The following TP63 variants were observed in gnomAD, a reference collection of about 807,000 sequenced individuals.
The protein encoded by TP63 is tumor protein p63, also known as tumor protein 63.
TP63 carries 17 observed loss-of-function variants against 82.8 expected under a neutral mutation model. The ratio of observed to expected loss-of-function variants is 0.21; its 90% CI spans 0.14 to 0.31. The LOEUF (loss-of-function observed/expected upper bound fraction) is 0.31. Among genes scored for constraint, TP63 ranks in the 10% least tolerant of loss-of-function variants. The pLI is 1.00. For missense variants in TP63, 648 were observed against 895.3 expected (o/e 0.72, Z 3.52); for synonymous variants, 330 against 321.7 (o/e 1.03, Z -0.28).
At chr3:189,728,372 T>C (rs1719921414) in intron 1 of TP63, among the ~76,000 whole-genome samples, 1 of 152,174 alleles carries the variant, frequency 6.6e-6, no homozygotes, top group Non-Finnish European at 1.5e-5. Context: ...TAAATTATGA[T>C]AGAATGAACT....
intron 3 of TP63, among the ~76,000 whole-genome samples, chr3:189,765,860 C>T (rs9871604): frequency 0.91 from 138,482 of 152,156 alleles, 63,496 homozygotes; most frequent in Non-Finnish European, 0.97. Context: ...GATAACTCCC[C>T]CTCTGGGCTT....
chr3:189,651,085 A>G lies in TP63; in HGVS notation c.62+19508A>G, dbSNP rs190238954. Among the ~76,000 whole-genome samples the G allele has an allele frequency of 1.1e-4, 16 of 147,648 alleles. 2 individuals carry two copies. Among genetic ancestry groups the G allele is most frequent in the Admixed American group, 1.1e-3 (16 of 15,024 alleles). ...AGTGACTCTTGCTTTGCTTTAGCAAAGAGACTGGCAGCATTTTGCCCTGCC... is the reference window on the plus strand; with the variant it reads ...AGTGACTCTTGCTTTGCTTTAGCAAGGAGACTGGCAGCATTTTGCCCTGCC... On this transcript the variant is annotated intron_variant, in intron 1 of 13. Coordinates refer to ENST00000264731, the MANE Select transcript of TP63 (RefSeq NM_003722.5).
At chr3:189,647,830 T>A (rs1351644560) in intron 1 of TP63, among the ~76,000 whole-genome samples, 1 of 146,556 alleles carries the variant, frequency 6.8e-6, no homozygotes, top group Non-Finnish European at 1.5e-5. Context: ...AATCATGAGA[T>A]TCAAAACAAG....
chr3:189,609,673 C>T, the TP63 span, among the ~76,000 whole-genome samples: 65 of 152,194 alleles, frequency 4.3e-4, no homozygotes, highest in African/African-American at 1.5e-3. Context: ...AAGGATAATA[C>T]CTCCACCTCC....
intron 1 of TP63, among the ~76,000 whole-genome samples, chr3:189,636,174 C>T (rs573342709): frequency 3.4e-4 from 51 of 152,042 alleles, no homozygotes; most frequent in African/African-American, 4.8e-4. Flanking sequence ...TATGACCAAC[C>T]GTGGTTAGCC....
intron 1 of TP63, among the ~76,000 whole-genome samples, chr3:189,682,733 A>T (rs1449544752): frequency 1.3e-5 from 2 of 151,948 alleles, no homozygotes; most frequent in Non-Finnish European, 2.9e-5. Context: ...CAAAAGTAAT[A>T]CAGGTATCAC....
intron 3 of TP63, among the ~76,000 whole-genome samples, chr3:189,789,005 ATGTT>A (rs749880302): frequency 2.6e-5 from 4 of 151,468 alleles, no homozygotes; most frequent in African/African-American, 7.3e-5. Flanking sequence ...CATAATATGG[ATGTT>A]TGTTTGTTTT....
At chr3:189,698,263 AT>A (rs1169210543) in intron 1 of TP63, among the ~76,000 whole-genome samples, 1 of 151,592 alleles carries the variant, frequency 6.6e-6, no homozygotes, top group Non-Finnish European at 1.5e-5. Context: ...TTGTCAAATG[AT>A]TTTTTTTCTC....
chr3:189,819,904 C>T (rs966041790), intron 4 of TP63, among the ~76,000 whole-genome samples: 1 of 151,918 alleles, frequency 6.6e-6, no homozygotes, highest in African/African-American at 2.4e-5. Flanking sequence ...GCGCGTGACT[C>T]CATGCCCAGC....
intron 1 of TP63, among the ~76,000 whole-genome samples, chr3:189,725,215 G>A (rs1577308166): frequency 7.2e-6 from 1 of 138,872 alleles, no homozygotes; most frequent in South Asian, 2.1e-4. Context: ...AATTAAAACA[G>A]ACATAGTATA....
chr3:189,861,926 A>G (rs1327633155), intron 4 of TP63, among the ~76,000 whole-genome samples: 1 of 152,162 alleles, frequency 6.6e-6, no homozygotes, highest in Non-Finnish European at 1.5e-5. Context: ...ATGATAATTC[A>G]AGTCAATTAT....
chr3:189,803,749 T>C (rs987877229), intron 3 of TP63, among the ~76,000 whole-genome samples: 3 of 152,212 alleles, frequency 2.0e-5, no homozygotes, highest in African/African-American at 7.2e-5. Flanking sequence ...GTCCAAACAG[T>C]GATTCTTCTA....
chr3:189,606,240 G>A, the TP63 span, among the ~76,000 whole-genome samples: 1 of 151,928 alleles, frequency 6.6e-6, no homozygotes, highest in Non-Finnish European at 1.5e-5. Context: ...ATTTTCATAG[G>A]CACCTGGTAG....
At chr3:189,788,084 G>GTT (rs35421829) in intron 3 of TP63, among the ~76,000 whole-genome samples, 242 of 145,236 alleles carry the variant, frequency 1.7e-3, no homozygotes, top group South Asian at 2.6e-3. Flanking sequence ...TTGTAAGTAG[G>GTT]TTTTTTTTTT....
chr3:189,806,381 G>T (rs1185837642), intron 3 of TP63, among the ~76,000 whole-genome samples: 2 of 152,158 alleles, frequency 1.3e-5, no homozygotes, highest in Non-Finnish European at 2.9e-5. Flanking sequence ...CTGTAGGGAG[G>T]CACGTGCCTT....
chr3:189,657,533 A>G (rs1713490768), intron 1 of TP63, among the ~76,000 whole-genome samples: 1 of 152,148 alleles, frequency 6.6e-6, no homozygotes, highest in Admixed American at 6.6e-5. Context: ...ACTCTCTTTG[A>G]TGAAGCTTTT....
chr3:189,654,539 A>C (rs1713167008), intron 1 of TP63, among the ~76,000 whole-genome samples: 2 of 152,212 alleles, frequency 1.3e-5, no homozygotes, highest in African/African-American at 4.8e-5. Flanking sequence ...ATTAATTTTA[A>C]GAAGTACTTT....
rs748003468 is a variant in TP63 at position 189,737,843 on chromosome 3, C to A, written c.166C>A (p.Gln56Lys). 9 of 1,613,922 alleles carry A rather than the reference C, an allele frequency of 5.6e-6. No homozygotes were observed. In the South Asian group the frequency reaches 9.9e-5, roughly 18 times the overall value. ...TGAATTCCTCAGTCCAGAGGTTTTC[C>A]AGCATATCTGGGATTTTCTGGAACA... ...TNEFLSPEVFQHIWDFLEQPI... is the reference protein window; with the variant it reads ...TNEFLSPEVFKHIWDFLEQPI... Residue 56 changes from glutamine (Q) to lysine (K), a missense_variant, in exon 2 of 14, where the codon CAG becomes AAG. By Grantham distance (53) the Gln-to-Lys change is moderately conservative. This residue lies in a region of TP63 where 182 missense variants were observed against 213.6 expected (regional missense o/e 0.85). Coordinates refer to ENST00000264731, the MANE Select transcript of TP63 (RefSeq NM_003722.5).
At chr3:189,787,793 T>A (rs1466037210) in intron 3 of TP63, among the ~76,000 whole-genome samples, 1 of 152,042 alleles carries the variant, frequency 6.6e-6, no homozygotes, top group Non-Finnish European at 1.5e-5. Flanking sequence ...CTCTAGATCA[T>A]TGATTCCCAA....
Sources: gnomAD v4.1 joint callset for allele counts (sites outside exome capture counted in the v4.1 genomes callset) on GRCh38, gnomAD v4.1.1 for gene constraint, gnomAD v4.1.1 regional missense constraint, MANE v1.5 for transcripts, NCBI Gene and HGNC (gene_info 2026-07-23, HGNC 2026-07-21) for gene names.